ANKRD11: variants seen among roughly 807,000 people sequenced by gnomAD.
ANKRD11 encodes ankyrin repeat domain 11, also known as ankyrin repeat domain-containing protein 11.
In ANKRD11, 17 loss-of-function variants were observed where a neutral mutation model predicts 195.7. That is an observed-to-expected ratio of 0.09 (90% confidence interval 0.06 to 0.13). The LOEUF is 0.13. Among genes scored for constraint, ANKRD11 ranks in the 10% least tolerant of loss-of-function variants. The probability of loss-of-function intolerance (pLI) is 1.00; values close to 1 mark genes in which losing one functional copy is unlikely to be tolerated. For missense variants in ANKRD11, 3,735 were observed against 3,566.1 expected (o/e 1.05, Z -1.21); for synonymous variants, 1,953 against 1,528.1 (o/e 1.28, Z -6.49).
intron 3 of ANKRD11, 121 bp from the exon 4 acceptor site, chr16:89,305,465 C>A (rs949268395): frequency 1.3e-4 from 178 of 1,354,342 alleles, no homozygotes; most frequent in Non-Finnish European, 1.3e-4. Flanking sequence ...ACCCTCCCTG[C>A]ACCCCAGGGC....
chr16:89,286,545 G>C (rs1394825993), intron 7 of ANKRD11: 32 of 671,724 alleles, frequency 4.8e-5, no homozygotes, highest in Non-Finnish European at 6.9e-5. Context: ...CCCGCCAACA[G>C]TGAGCTCCTC....
intron 1 of ANKRD11, among the ~76,000 whole-genome samples, chr16:89,432,949 T>C (rs1433063228): frequency 1.9e-3 from 43 of 22,462 alleles, no homozygotes; most frequent in African/African-American, 5.1e-3. Context: ...ACCCTATCTC[T>C]CTCTCTCTCT....
At chr16:89,312,059 A>G (rs2036634666) in intron 3 of ANKRD11, among the ~76,000 whole-genome samples, 1 of 152,120 alleles carries the variant, frequency 6.6e-6, no homozygotes, top group Non-Finnish European at 1.5e-5. Flanking sequence ...CACCATGCCC[A>G]GATAATTTTT....
chr16:89,366,301 T>G (rs1475423250), intron 2 of ANKRD11, among the ~76,000 whole-genome samples: 1 of 152,184 alleles, frequency 6.6e-6, no homozygotes, highest in Non-Finnish European at 1.5e-5. Flanking sequence ...CGCCCGCATG[T>G]GTCTTTATGG....
At chr16:89,437,636 T>C (rs1466613751) in intron 1 of ANKRD11, among the ~76,000 whole-genome samples, 1 of 152,172 alleles carries the variant, frequency 6.6e-6, no homozygotes, top group Non-Finnish European at 1.5e-5. Flanking sequence ...ATGAAAGCCA[T>C]GGATTCAAGG....
rs376365068 is a variant in ANKRD11 at position 89,325,522 on chromosome 16, A to T, written c.-59-8444T>A. On this transcript the variant is annotated intron_variant, in intron 2 of 12. Coordinates refer to ENST00000301030, the MANE Select transcript of ANKRD11 (RefSeq NM_013275.6). Reference sequence around the variant, plus strand: ...AGTAATAATGTTGGGGACAAAATACATGATACATTTACATAAATTTCTGAA... The same window carrying T: ...AGTAATAATGTTGGGGACAAAATACTTGATACATTTACATAAATTTCTGAA... Among the ~76,000 whole-genome samples the T allele has an allele frequency of 1.5e-4, 23 of 152,112 alleles. No individual in the cohort carries two copies. In the East Asian group the frequency reaches 1.5e-3, roughly 10 times the overall value.
At chr16:89,305,056 C>T (rs879435431) in intron 4 of ANKRD11, 150 bp downstream of exon 4, 142 of 1,251,164 alleles carry the variant, frequency 1.1e-4, no homozygotes, top group Non-Finnish European at 1.4e-4. Flanking sequence ...GCCTGTGCTC[C>T]GCCCCTGCTG....
intron 1 of ANKRD11, among the ~76,000 whole-genome samples, chr16:89,476,524 C>G (rs1463149307): frequency 6.6e-6 from 1 of 152,210 alleles, no homozygotes. Context: ...CAGGCAGACC[C>G]AACGCCTACG....
At chr16:89,420,690 G>C (rs1188012246) in intron 1 of ANKRD11, among the ~76,000 whole-genome samples, 4 of 152,104 alleles carry the variant, frequency 2.6e-5, no homozygotes, top group Admixed American at 6.6e-5. Context: ...TACCAATCCA[G>C]AGCCTCTAAA....
In ANKRD11 at chr16:89,332,927, C is replaced by T. The variant is rs1011073530; in HGVS notation, c.-59-15849G>A. On this transcript the variant is annotated intron_variant, in intron 2 of 12. Transcript: ENST00000301030. Reference sequence around the variant, plus strand: ...GGGTCCACAGTTGAGAACGTAGTTACAAACTCAAGAAACGAGCTGCAACAG... The same window carrying T: ...GGGTCCACAGTTGAGAACGTAGTTATAAACTCAAGAAACGAGCTGCAACAG... Among the ~76,000 whole-genome samples the T allele has an allele frequency of 3.3e-5, 5 of 152,344 alleles. No homozygotes were observed. In the East Asian group the frequency reaches 9.6e-4, roughly 29 times the overall value.
In ANKRD11 at chr16:89,275,205, G is replaced by A. The variant is rs755715348; in HGVS notation, c.7471-14C>T. ...AGGGGGTGCGATCTACAGGCAAAAGGTGAGTGTGGGGGGTCAGCTGGGGCT... is the reference window on the plus strand; with the variant it reads ...AGGGGGTGCGATCTACAGGCAAAAGATGAGTGTGGGGGGTCAGCTGGGGCT... On this transcript the variant is annotated splice_polypyrimidine_tract_variant and intron_variant, in intron 9 of 12. Coordinates refer to ENST00000301030, the MANE Select transcript of ANKRD11 (RefSeq NM_013275.6). The A allele has an allele frequency of 1.3e-5, 21 of 1,596,480 alleles. No individual in the cohort carries two copies. The highest frequency in any genetic ancestry group is 9.0e-5 in the East Asian group (4 of 44,454).
chr16:89,290,966 G>A, intron 5 of ANKRD11, 47 bp downstream of exon 5: 1 of 1,610,220 alleles, frequency 6.2e-7, no homozygotes, highest in Non-Finnish European at 8.5e-7. Context: ...CTGCGACCAG[G>A]CAGAGCCCCT....
intron 4 of ANKRD11, 23 bp downstream of exon 4, chr16:89,305,183 C>A (rs767049415): frequency 6.2e-7 from 1 of 1,608,282 alleles, no homozygotes; most frequent in Non-Finnish European, 8.5e-7. Flanking sequence ...GGGCTGACTG[C>A]AGGAGGGGCC....
intron 1 of ANKRD11, among the ~76,000 whole-genome samples, chr16:89,424,514 G>C (rs575710839): frequency 6.6e-6 from 1 of 152,022 alleles, no homozygotes; most frequent in Non-Finnish European, 1.5e-5. Context: ...CCAGTCTTTG[G>C]GTGTGGACGG....
chr16:89,361,958 T>C (rs1054091064), intron 2 of ANKRD11, among the ~76,000 whole-genome samples: 5 of 152,164 alleles, frequency 3.3e-5, no homozygotes, highest in African/African-American at 1.2e-4. Flanking sequence ...TGCAACACCC[T>C]GGATGGGCGG....
intron 2 of ANKRD11, among the ~76,000 whole-genome samples, chr16:89,355,990 C>A (rs2039455864): frequency 6.6e-6 from 1 of 152,148 alleles, no homozygotes; most frequent in Admixed American, 6.5e-5. Context: ...GTGGGAGGAT[C>A]ACATGAGCCC....
rs972066956 is a variant in ANKRD11, at chr16:89,420,333, C to T, written c.-144-1965G>A. 4 of 152,134 alleles carry T rather than the reference C, an allele frequency of 2.6e-5. No homozygotes were observed. In the East Asian group the frequency reaches 5.8e-4, roughly 22 times the overall value. 9.4% of individuals were successfully genotyped at this position (152,134 alleles called of 1,614,324 possible). A position where few individuals can be genotyped will look rare whatever the true frequency, so the allele number is the denominator to read the frequency against. ...CTGCCACTGGCATTTGGGTTCAGCG[C>T]GCCAACAGGGTTGAGCAGCGTCGGT... is the stretch of plus-strand genomic sequence containing the variant. On this transcript the variant is annotated intron_variant, in intron 1 of 12. Transcript: ENST00000301030.
rs76743988 is a variant in ANKRD11 at position 89,381,060 on chromosome 16, G to A, written c.-60+37224C>T. On this transcript the variant is annotated intron_variant, in intron 2 of 12. Transcript: ENST00000301030. ...AAGGGCGGCTGGGCGAGGTGGCTCAGGCCTGTCATCCCAGCACTTTGGGAG... is the reference window on the plus strand; with the variant it reads ...AAGGGCGGCTGGGCGAGGTGGCTCAAGCCTGTCATCCCAGCACTTTGGGAG... 7.9e-5 allele frequency among the ~76,000 whole-genome samples: 12 copies of A among 152,262 alleles called. No individual in the cohort carries two copies. In the East Asian group the frequency reaches 2.3e-3, roughly 29 times the overall value.
intron 4 of ANKRD11, among the ~76,000 whole-genome samples, chr16:89,296,744 C>T (rs1017897265): frequency 7.2e-5 from 11 of 152,318 alleles, no homozygotes; most frequent in South Asian, 2.1e-4. Flanking sequence ...CTCTGGGAGC[C>T]GGAAGGCCGG....
Sources: allele counts gnomAD v4.1 joint callset (sites outside exome capture counted in the v4.1 genomes callset), GRCh38; gene constraint gnomAD v4.1.1; transcripts MANE v1.5; gene names NCBI Gene and HGNC (gene_info 2026-07-23, HGNC 2026-07-21).